The following PLD1 variants were observed in gnomAD, a reference collection of about 807,000 sequenced individuals.
PLD1 encodes the protein phospholipase D1, also known as choline phosphatase 1.
A neutral mutation model predicts 137.1 loss-of-function variants in PLD1; 112 were observed. That is an observed-to-expected ratio of 0.82 (90% CI 0.70 to 0.96). The LOEUF is 0.96. Among genes scored for constraint, PLD1 ranks in the 40% least tolerant of loss-of-function variants. The pLI, the probability that PLD1 is intolerant of heterozygous loss-of-function variation, is 0.00. For missense variants in PLD1, 1,321 were observed against 1,342.0 expected, an observed-to-expected ratio of 0.98 and a Z score of 0.24; for synonymous variants, 431 against 454.7, an observed-to-expected ratio of 0.95 and a Z score of 0.66.
At chr3:171,688,612 C>T (rs1381641283) in intron 14 of PLD1, 64 bp downstream of exon 14, 1 of 1,219,094 alleles carries the variant, frequency 8.2e-7, no homozygotes, top group Non-Finnish European at 1.2e-6. Context: ...AGTCATGCTA[C>T]TAATACAAAC....
chr3:171,787,734 T>G (rs533730921), intron 1 of PLD1, among the ~76,000 whole-genome samples: 1 of 152,270 alleles, frequency 6.6e-6, no homozygotes, highest in Non-Finnish European at 1.5e-5. Flanking sequence ...ACAGCCACCT[T>G]CTATGGAGCA....
Position 171,612,567 on chromosome 3 carries a change from G to A in PLD1, c.2729-135C>T, listed in dbSNP as rs1732752279. ...TTTTCAAGGGAAGATGTGTTTTTAG[G>A]GAGGTGGGGCCCTCCCTAACCCAGG... On this transcript the variant is annotated intron_variant, in intron 24 of 26. Coordinates refer to ENST00000351298, the MANE Select transcript of PLD1 (RefSeq NM_002662.5). This position sits in a 1 kb window ranked among gnomAD's most constrained non-coding sequence, Gnocchi z 4.1. The A allele has an allele frequency of 1.3e-6, 1 of 780,818 alleles. No individual in the cohort carries two copies. 48.4% of individuals were successfully genotyped at this position (780,818 alleles called of 1,614,324 possible).
At chr3:171,744,288 G>A (rs1265039834) in intron 1 of PLD1, among the ~76,000 whole-genome samples, 1 of 152,168 alleles carries the variant, frequency 6.6e-6, no homozygotes, top group East Asian at 1.9e-4. Flanking sequence ...CAAAAGCCAT[G>A]CACCTGCTCC....
chr3:171,674,440 C>A, intron 19 of PLD1, 60 bp downstream of exon 19: 1 of 849,602 alleles, frequency 1.2e-6, no homozygotes, highest in Non-Finnish European at 1.9e-6. Context: ...GCCCTTGGTC[C>A]AATAACAGTA....
At chr3:171,637,913 G>A (rs1284427640) in intron 23 of PLD1, among the ~76,000 whole-genome samples, 1 of 152,074 alleles carries the variant, frequency 6.6e-6, no homozygotes, top group Non-Finnish European at 1.5e-5. Flanking sequence ...GGGCACGGTG[G>A]CTCACGCCTG....
At chr3:171,671,211 C>G (rs550660623) in intron 19 of PLD1, among the ~76,000 whole-genome samples, 1 of 152,220 alleles carries the variant, frequency 6.6e-6, no homozygotes, top group East Asian at 1.9e-4. Context: ...CACTGCCTAG[C>G]GACACTTTTA....
At chr3:171,760,846 A>T (rs1410943873) in intron 1 of PLD1, among the ~76,000 whole-genome samples, 3 of 152,250 alleles carry the variant, frequency 2.0e-5, no homozygotes, top group Non-Finnish European at 2.9e-5. Context: ...GGATCGTATT[A>T]AAAGCTAGTA....
intron 9 of PLD1, 73 bp downstream of exon 9, chr3:171,713,820 T>C (rs1717452108): frequency 1.5e-6 from 2 of 1,317,504 alleles, no homozygotes; most frequent in Non-Finnish European, 2.1e-6. Flanking sequence ...ACTCCTTTTT[T>C]ACTTAAGGTT....
intron 20 of PLD1, among the ~76,000 whole-genome samples, 159 bp from the exon 21 acceptor site, chr3:171,659,460 C>T (rs975779170): frequency 1.3e-5 from 2 of 152,184 alleles, no homozygotes; most frequent in East Asian, 3.8e-4. Flanking sequence ...AAAAAAGCCG[C>T]CTCATCTCAC....
chr3:171,730,695 G>A (rs549790705), intron 6 of PLD1, among the ~76,000 whole-genome samples: 118 of 146,276 alleles, frequency 8.1e-4, no homozygotes, highest in Non-Finnish European at 1.4e-3. Context: ...CTGGAGTGCA[G>A]TGGCGCAACT....
At chr3:171,796,361 T>C (rs1723437918) in intron 1 of PLD1, among the ~76,000 whole-genome samples, 1 of 152,234 alleles carries the variant, frequency 6.6e-6, no homozygotes, top group South Asian at 2.1e-4. Flanking sequence ...TTGATATTCA[T>C]AGTTTATAAA....
At position 171,734,901 on chromosome 3, in the gene PLD1, T is replaced by A; in HGVS notation, c.504A>T (p.Glu168Asp). 2 of 1,612,846 alleles carry A rather than the reference T, an allele frequency of 1.2e-6. No homozygotes were observed. Among genetic ancestry groups the A allele is most frequent in the Non-Finnish European group, 1.7e-6 (2 of 1,178,820 alleles). ...REMPSLPRSS[E>D]NMIREEQFLG... ...GGAATTGTTCTTCTCTTATCATGTT[T>A]TCAGATGAACGGGGCAAACTGGGCA... is the stretch of plus-strand genomic sequence containing the variant. Residue 168 changes from glutamate to aspartate, a missense_variant, in exon 5 of 27, where the codon GAA becomes GAT. Coordinates refer to ENST00000351298, the MANE Select transcript of PLD1 (RefSeq NM_002662.5).
At chr3:171,805,166 T>C (rs2108361635) in intron 1 of PLD1, among the ~76,000 whole-genome samples, 1 of 152,336 alleles carries the variant, frequency 6.6e-6, no homozygotes, top group African/African-American at 2.4e-5. Context: ...TCCATGTTGC[T>C]TTTGGCTGGT....
intron 1 of PLD1, among the ~76,000 whole-genome samples, chr3:171,775,911 A>G (rs756936999): frequency 1.3e-5 from 2 of 152,266 alleles, no homozygotes; most frequent in South Asian, 2.1e-4. Flanking sequence ...CCACAGGAAA[A>G]CACTTAAAAA....
intron 23 of PLD1, among the ~76,000 whole-genome samples, chr3:171,625,952 C>T (rs949571582): frequency 1.3e-5 from 2 of 152,204 alleles, no homozygotes; most frequent in African/African-American, 2.4e-5. Context: ...CGCCTCTCCT[C>T]CTCCAAAGGA....
chr3:171,724,970 C>A (rs1392659929), intron 7 of PLD1, among the ~76,000 whole-genome samples, 182 bp from the exon 8 acceptor site: 1 of 152,100 alleles, frequency 6.6e-6, no homozygotes, highest in African/African-American at 2.4e-5. Context: ...AGAGGCGAAC[C>A]CTAAAATACA....
chr3:171,632,004 A>G (rs1734709498), intron 23 of PLD1, among the ~76,000 whole-genome samples: 1 of 152,176 alleles, frequency 6.6e-6, no homozygotes, highest in Non-Finnish European at 1.5e-5. Flanking sequence ...TTTCCTACAA[A>G]ATACTATTAA....
chr3:171,709,810 G>A (rs1464647423), intron 9 of PLD1, 101 bp from the exon 10 acceptor site: 1 of 975,562 alleles, frequency 1.0e-6, no homozygotes, highest in Non-Finnish European at 1.5e-6. Flanking sequence ...AAAATTTGAG[G>A]CAAAGAACAT....
At chr3:171,721,236 C>G (rs1389193403) in intron 8 of PLD1, 1 of 152,192 alleles carries the variant, frequency 6.6e-6, no homozygotes, top group Non-Finnish European at 1.5e-5. Flanking sequence ...CAGAAGTAAA[C>G]TCTGAGATAC....
Sources: gnomAD v4.1 joint callset for allele counts (sites outside exome capture counted in the v4.1 genomes callset) on GRCh38, gnomAD v4.1.1 for gene constraint, Gnocchi (gnomAD v3.1) non-coding constraint, MANE v1.5 for transcripts, NCBI Gene and HGNC (gene_info 2026-07-23, HGNC 2026-07-21) for gene names.